The following SLC6A13 variants were observed in gnomAD, a reference collection of about 807,000 sequenced individuals.
SLC6A13 encodes solute carrier family 6 member 13, also known as sodium- and chloride-dependent GABA transporter 2.
SLC6A13 carries 69 observed loss-of-function variants against 72.9 expected under a neutral mutation model. The observed-to-expected ratio is 0.95, with a 90% CI of 0.78 to 1.16. The LOEUF (loss-of-function observed/expected upper bound fraction) is 1.16. Ranked by LOEUF, SLC6A13 falls within the 50% of genes most tolerant of loss-of-function variation. SLC6A13 has a pLI of 0.00. For synonymous variants in SLC6A13, 303 were observed against 303.0 expected (o/e 1.00, Z 0.00); for missense variants, 735 against 760.5 (o/e 0.97, Z 0.39).
chr12:248,653 G>C (rs1351745677), intron 2 of SLC6A13, among the ~76,000 whole-genome samples: 1 of 152,098 alleles, frequency 6.6e-6, no homozygotes, highest in Non-Finnish European at 1.5e-5. Flanking sequence ...GAACTACAAA[G>C]AGAAACATAT....
At chr12:243,861 T>C (rs927676721) in intron 2 of SLC6A13, 48 bp from the exon 3 acceptor site, 2 of 1,591,818 alleles carry the variant, frequency 1.3e-6, no homozygotes, top group Non-Finnish European at 8.6e-7. Flanking sequence ...ATTCTCCTCA[T>C]GGTCTGCATT....
At chr12:231,677 C>T (rs890770701) in intron 7 of SLC6A13, among the ~76,000 whole-genome samples, 10 of 152,158 alleles carry the variant, frequency 6.6e-5, no homozygotes, top group African/African-American at 2.2e-4. Flanking sequence ...GAATGGTATC[C>T]CAGAGTAGAG....
chr12:240,302 C>A (rs1262974934), intron 4 of SLC6A13, among the ~76,000 whole-genome samples: 1 of 152,174 alleles, frequency 6.6e-6, no homozygotes, highest in African/African-American at 2.4e-5. Flanking sequence ...CTCCCAGGCT[C>A]AAGCAATCCT....
chr12:244,224 A>G (rs1942269788), intron 2 of SLC6A13, among the ~76,000 whole-genome samples: 1 of 152,236 alleles, frequency 6.6e-6, no homozygotes, highest in Admixed American at 6.5e-5. Flanking sequence ...CTGAAATCAG[A>G]TGCCCTTTCA....
chr12:224,285 T>C, intron 10 of SLC6A13, 116 bp downstream of exon 10: 1 of 1,335,514 alleles, frequency 7.5e-7, no homozygotes, highest in East Asian at 2.4e-5. Flanking sequence ...GGACTCACCC[T>C]CAAGCTCCTG....
chr12:262,369 G>A (rs1942953640), intron 1 of SLC6A13, among the ~76,000 whole-genome samples: 1 of 152,198 alleles, frequency 6.6e-6, no homozygotes, highest in South Asian at 2.1e-4. Flanking sequence ...AAGTGGGGAT[G>A]ATAGATAGGA....
chr12:246,406 A>G (rs1170352646), intron 2 of SLC6A13, among the ~76,000 whole-genome samples: 1 of 152,206 alleles, frequency 6.6e-6, no homozygotes, highest in African/African-American at 2.4e-5. Flanking sequence ...ATTACCAGGA[A>G]AGCAAAGAAT....
At chr12:225,989 T>C (rs1024901658) in intron 9 of SLC6A13, among the ~76,000 whole-genome samples, 4 of 152,210 alleles carry the variant, frequency 2.6e-5, no homozygotes, top group African/African-American at 9.6e-5. Flanking sequence ...CGAGGCCAGG[T>C]GCGGAAGAGT....
At chr12:225,658 TA>T (rs11309524) in intron 9 of SLC6A13, among the ~76,000 whole-genome samples, 69,329 of 140,018 alleles carry the variant, frequency 0.5, 17,587 homozygotes, top group African/African-American at 0.69. Flanking sequence ...TCAAACAGTT[TA>T]AAAAAAAAAA....
intron 8 of SLC6A13, among the ~76,000 whole-genome samples, chr12:227,301 C>G (rs1256299032): frequency 1.3e-5 from 2 of 152,180 alleles, no homozygotes; most frequent in Admixed American, 1.3e-4. Flanking sequence ...GCCCACTAAC[C>G]TCTACATCAG....
chr12:235,022 G>T (rs1369924673), intron 7 of SLC6A13, 68 bp downstream of exon 7: 20 of 1,578,780 alleles, frequency 1.3e-5, no homozygotes, highest in Admixed American at 3.3e-5. Flanking sequence ...CCCCGTCAGA[G>T]TGCAGGGAAA....
intron 11 of SLC6A13, among the ~76,000 whole-genome samples, chr12:223,518 A>G (rs1565487807): frequency 1.3e-5 from 2 of 152,114 alleles, no homozygotes; most frequent in Non-Finnish European, 2.9e-5. Flanking sequence ...AGCCCAAGAC[A>G]TAGAGTGTAC....
intron 2 of SLC6A13, chr12:259,492 G>A: frequency 7.6e-7 from 1 of 1,308,730 alleles, no homozygotes. Flanking sequence ...ACCTTGAAAG[G>A]CAGGCATTAT....
At chr12:251,251 C>T (rs191212441) in intron 2 of SLC6A13, among the ~76,000 whole-genome samples, 1 of 151,618 alleles carries the variant, frequency 6.6e-6, no homozygotes, top group African/African-American at 2.4e-5. Flanking sequence ...GTAATGAACA[C>T]AGTGTGGTAC....
intron 4 of SLC6A13, among the ~76,000 whole-genome samples, chr12:241,031 C>T (rs1942146275): frequency 6.6e-6 from 1 of 152,180 alleles, no homozygotes. Context: ...TTGGGCTGGG[C>T]ACAGTGGCTC....
At chr12:246,678 T>C (rs1942360786) in intron 2 of SLC6A13, among the ~76,000 whole-genome samples, 1 of 152,098 alleles carries the variant, frequency 6.6e-6, no homozygotes, top group South Asian at 2.1e-4. Flanking sequence ...CCTTGAACCA[T>C]AATAGAAACT....
At chr12:224,210 G>A in intron 10 of SLC6A13, 81 bp from the exon 11 acceptor site, 1 of 1,569,070 alleles carries the variant, frequency 6.4e-7, no homozygotes, top group South Asian at 1.1e-5. Flanking sequence ...CTCGCTCCCA[G>A]GATCAGCCCT....
At chr12:226,332 T>C in intron 9 of SLC6A13, 58 bp downstream of exon 9, 1 of 1,608,110 alleles carries the variant, frequency 6.2e-7, no homozygotes, top group Admixed American at 1.7e-5. Context: ...CTCTAGACGC[T>C]TGCTGCCAGA....
chr12:220,789 G>T lies in SLC6A13; in HGVS notation c.*159C>A. 1.3e-6 allele frequency: 1 copy of T among 795,010 alleles called. No individual in the cohort carries two copies. The highest frequency in any genetic ancestry group is 2.0e-6 in the Non-Finnish European group (1 of 512,502). 49.2% of individuals were successfully genotyped at this position (795,010 alleles called of 1,614,324 possible). A position where few individuals can be genotyped will look rare whatever the true frequency, so the allele number is the denominator to read the frequency against. Reference sequence around the variant, plus strand: ...ACAACCCCTGAGCTGAAAAGTTGCAGTGGGAGGCCTCCAGCTCAGCAGGTG... The same window carrying T: ...ACAACCCCTGAGCTGAAAAGTTGCATTGGGAGGCCTCCAGCTCAGCAGGTG... On this transcript the variant is annotated 3_prime_UTR_variant, in exon 15 of 15. Transcript: ENST00000343164.
Sources: allele counts gnomAD v4.1 joint callset (sites outside exome capture counted in the v4.1 genomes callset), GRCh38; gene constraint gnomAD v4.1.1; transcripts MANE v1.5; gene names NCBI Gene and HGNC (gene_info 2026-07-23, HGNC 2026-07-21).